Variants in YEATS2 observed in about 807,000 individuals in gnomAD.
YEATS2 encodes the protein YEATS domain containing 2, also known as YEATS domain-containing protein 2.
A neutral mutation model predicts 163.2 loss-of-function variants in YEATS2; 77 were observed. The observed-to-expected ratio is 0.47, with a 90% CI of 0.39 to 0.57. YEATS2 has a LOEUF of 0.57. YEATS2 is among the 20% of genes least tolerant of loss of function. The probability of loss-of-function intolerance (pLI) is 0.00; values close to 1 mark genes in which losing one functional copy is unlikely to be tolerated. For missense variants in YEATS2, 1,549 were observed against 1,729.8 expected (o/e 0.90, Z 1.85); for synonymous variants, 631 against 645.1 (o/e 0.98, Z 0.33).
chr3:183,709,410 C>T (rs1238430635), intron 1 of YEATS2, among the ~76,000 whole-genome samples: 1 of 151,948 alleles, frequency 6.6e-6, no homozygotes, highest in East Asian at 1.9e-4. Context: ...CGGCTCACTG[C>T]AACCTCTGCC....
chr3:183,699,828 T>C (rs1713873608), intron 1 of YEATS2, among the ~76,000 whole-genome samples: 1 of 152,176 alleles, frequency 6.6e-6, no homozygotes, highest in Admixed American at 6.6e-5. Context: ...TCTGAGATGT[T>C]CATTAAGATT....
At chr3:183,755,934 C>T (rs188055559) in intron 11 of YEATS2, among the ~76,000 whole-genome samples, 198 of 151,818 alleles carry the variant, frequency 1.3e-3, no homozygotes, top group Non-Finnish European at 1.2e-3. Context: ...TTAGTAGAGA[C>T]AGGGTTTCTC....
At chr3:183,747,741 T>G in intron 9 of YEATS2, 25 bp downstream of exon 9, 1 of 1,603,920 alleles carries the variant, frequency 6.2e-7, no homozygotes, top group Non-Finnish European at 8.5e-7. Context: ...TACAGTATTA[T>G]CTGGGAATGA....
rs776886358 is a variant in YEATS2, at chr3:183,718,482, G to A, written c.199-18G>A. 27 of 1,601,948 alleles carry A rather than the reference G, an allele frequency of 1.7e-5. No homozygotes were observed. Among genetic ancestry groups the A allele is most frequent in the South Asian group, 1.6e-4 (14 of 88,828 alleles). ...TAATTGCCGTTTTTTAAAGTAATGA[G>A]TTAACATTTGTTTTTAGCGACTGAT... On this transcript the variant is annotated intron_variant, in intron 3 of 30. Transcript: ENST00000305135.
chr3:183,809,861 C>A (rs985542394), intron 30 of YEATS2, among the ~76,000 whole-genome samples: 4 of 152,184 alleles, frequency 2.6e-5, no homozygotes, highest in African/African-American at 7.2e-5. Context: ...CATGAAGGGC[C>A]TAAATCAGAG....
intron 21 of YEATS2, among the ~76,000 whole-genome samples, chr3:183,797,544 C>CAATAAATAAATA (rs111590921): frequency 0.09 from 12,862 of 142,872 alleles, 753 homozygotes; most frequent in East Asian, 0.21. Context: ...GTCTCTAACA[C>CAATAAATAAATA]AATAAATAAA....
At chr3:183,748,777 T>A (rs1029306285) in intron 9 of YEATS2, among the ~76,000 whole-genome samples, 1 of 151,980 alleles carries the variant, frequency 6.6e-6, no homozygotes, top group Non-Finnish European at 1.5e-5. Flanking sequence ...TTTTTACATT[T>A]TTTATAGAGA....
At chr3:183,777,481 G>C in intron 18 of YEATS2, 61 bp from the exon 19 acceptor site, 2 of 1,570,074 alleles carry the variant, frequency 1.3e-6, no homozygotes, top group South Asian at 2.3e-5. Context: ...TAAGGGATCA[G>C]AACAGCCCAT....
At chr3:183,806,776 C>A in intron 27 of YEATS2, 90 bp from the exon 28 acceptor site, 3 of 1,342,132 alleles carry the variant, frequency 2.2e-6, no homozygotes, top group Non-Finnish European at 3.1e-6. Flanking sequence ...GATGCTTATC[C>A]CCCTTCCTCA....
chr3:183,702,696 G>A (rs972944222), intron 1 of YEATS2, among the ~76,000 whole-genome samples: 1 of 151,594 alleles, frequency 6.6e-6, no homozygotes, highest in African/African-American at 2.4e-5. Context: ...AAAATTAGAC[G>A]TGGTGGTGTG....
rs770195588 is a variant in YEATS2, at chr3:183,810,436, A to G, written c.4161-39A>G. 5.1e-6 allele frequency: 8 copies of G among 1,554,364 alleles called. No homozygotes were observed. In the African/African-American group the frequency reaches 6.8e-5, roughly 13 times the overall value. On this transcript the variant is annotated intron_variant, in intron 30 of 30. Transcript: ENST00000305135. ...GAATAAATGATGAGATATACGTGAG[A>G]GAATTTCACCTGGTAACACCCTTTG...
chr3:183,700,598 CTTTT>C (rs748017835), intron 1 of YEATS2, among the ~76,000 whole-genome samples: 2 of 126,604 alleles, frequency 1.6e-5, no homozygotes, highest in Non-Finnish European at 3.3e-5. Context: ...TCTTTTCTTT[CTTTT>C]TTTTTTTTTT....
intron 15 of YEATS2, among the ~76,000 whole-genome samples, chr3:183,770,843 G>A (rs1049207216): frequency 6.6e-6 from 1 of 151,986 alleles, no homozygotes; most frequent in Non-Finnish European, 1.5e-5. Flanking sequence ...TATAATTCTA[G>A]TTCATTTATT....
chr3:183,795,471 T>TG (rs1352179916), intron 21 of YEATS2, among the ~76,000 whole-genome samples: 12 of 103,612 alleles, frequency 1.2e-4, no homozygotes, highest in African/African-American at 4.0e-4. Context: ...TTTTTTTTTT[T>TG]TTTTTTTTTT....
At chr3:183,787,990 G>A (rs955098438) in intron 20 of YEATS2, among the ~76,000 whole-genome samples, 3 of 152,060 alleles carry the variant, frequency 2.0e-5, no homozygotes, top group South Asian at 2.1e-4. Flanking sequence ...ACAGTAGAGC[G>A]AGATTCCATC....
intron 5 of YEATS2, among the ~76,000 whole-genome samples, chr3:183,722,757 A>G (rs1238120416): frequency 6.6e-6 from 1 of 151,734 alleles, no homozygotes; most frequent in Admixed American, 6.6e-5. Context: ...GGTTCAAGCT[A>G]TTTTCCTGTC....
At chr3:183,735,589 A>T (rs1435563164) in intron 7 of YEATS2, among the ~76,000 whole-genome samples, 1 of 152,094 alleles carries the variant, frequency 6.6e-6, no homozygotes, top group Non-Finnish European at 1.5e-5. Context: ...GTGCTCGTTA[A>T]TTCACATCTG....
chr3:183,748,862 G>T (rs1415490270), intron 9 of YEATS2, among the ~76,000 whole-genome samples: 1 of 152,130 alleles, frequency 6.6e-6, no homozygotes, highest in African/African-American at 2.4e-5. Flanking sequence ...GCATCCAAAA[G>T]CACTGGGATT....
intron 13 of YEATS2, among the ~76,000 whole-genome samples, chr3:183,760,766 A>T (rs1045645604): frequency 6.6e-6 from 1 of 152,212 alleles, no homozygotes; most frequent in Non-Finnish European, 1.5e-5. Context: ...AAATTTTGCA[A>T]ATCAGTTGTG....
Sources: gnomAD v4.1 joint callset for allele counts (sites outside exome capture counted in the v4.1 genomes callset) on GRCh38, gnomAD v4.1.1 for gene constraint, MANE v1.5 for transcripts, NCBI Gene and HGNC (gene_info 2026-07-23, HGNC 2026-07-21) for gene names.